The following CD72 variants were observed in gnomAD, a reference collection of about 807,000 sequenced individuals.
CD72 encodes the protein CD72 molecule, also known as B-cell differentiation antigen CD72.
Under a neutral mutation model 50.7 loss-of-function variants are expected in CD72, and 28 were observed. That is an observed-to-expected ratio of 0.55 (90% CI 0.41 to 0.76). The LOEUF is 0.76. Ranked by LOEUF, CD72 falls within the 30% of genes least tolerant of loss-of-function variation. The pLI is 0.00. For missense variants in CD72, 403 were observed against 420.6 expected (o/e 0.96, Z 0.37); for synonymous variants, 176 against 171.2 (o/e 1.03, Z -0.22).
chr9:35,639,042 A>G (rs1327935783), intron 1 of CD72, among the ~76,000 whole-genome samples: 1 of 148,480 alleles, frequency 6.7e-6, no homozygotes, highest in African/African-American at 2.5e-5. Flanking sequence ...TTTTTTTTAG[A>G]TGTATTTTAC....
At position 35,618,257 on chromosome 9, in the gene CD72, G is replaced by C. The variant is rs769510315; in HGVS notation, c.47C>G (p.Pro16Arg). The C allele has an allele frequency of 1.9e-6, 3 of 1,614,136 alleles. No individual in the cohort carries two copies. The East Asian group carries it at 6.7e-5, about 36-fold the overall frequency. Reference protein sequence around the residue: ...TYADLRFVKAPLKKSISSRLG... With the variant: ...TYADLRFVKARLKKSISSRLG... ...CCGGCTGGAGATGCTCTTCTTCAGG[G>C]GAGCCTTCACAAACCTCAGATCTGC... Residue 16 changes from proline to arginine, a missense_variant, in exon 1 of 9, where the codon CCC becomes CGC. Coordinates refer to ENST00000259633, the MANE Select transcript of CD72 (RefSeq NM_001782.3).
At chr9:35,638,389 C>T (rs557995494) in intron 1 of CD72, among the ~76,000 whole-genome samples, 1 of 152,122 alleles carries the variant, frequency 6.6e-6, no homozygotes, top group Non-Finnish European at 1.5e-5. Context: ...TCCGCTCCCC[C>T]ACCCTATAAC....
rs1461562200 is a variant in CD72 at position 35,630,397 on chromosome 9, T to TA, written n.409-12277dup. On this transcript the variant is annotated intron_variant and non_coding_transcript_variant, in intron 1 of 3. Coordinates refer to the CD72 transcript ENST00000465754. ...TTCCCTATCAAAATCTTTGTATTTT[T>TA]AAAAAATAGTTTTTTCTTTGCTTGT... 2.0e-5 allele frequency among the ~76,000 whole-genome samples: 3 copies of TA among 152,220 alleles called. 1 individual carries two copies. In the South Asian group the frequency reaches 6.2e-4, roughly 31 times the overall value.
At chr9:35,628,643 T>C (rs1050679396) in intron 1 of CD72, among the ~76,000 whole-genome samples, 4 of 152,164 alleles carry the variant, frequency 2.6e-5, no homozygotes, top group African/African-American at 9.7e-5. Context: ...GCCTGAAGCT[T>C]TTCTCTGGTA....
At chr9:35,639,620 G>C (rs1240675494) in intron 1 of CD72, among the ~76,000 whole-genome samples, 1 of 152,058 alleles carries the variant, frequency 6.6e-6, no homozygotes, top group Non-Finnish European at 1.5e-5. Flanking sequence ...AAGAGAAATG[G>C]AGAAAAAAGA....
At position 35,615,939 on chromosome 9, in the gene CD72, A is replaced by ATCCC. The variant is rs914078435; in HGVS notation, c.688+3_688+4insGGGA. 7.5e-6 allele frequency: 12 copies of ATCCC among 1,610,166 alleles called. No homozygotes were observed. Among genetic ancestry groups the ATCCC allele is most frequent in the African/African-American group, 2.7e-5 (2 of 74,518 alleles). Reference sequence around the variant, plus strand: ...CCCTTCTCTCCTCTCCCCAGAGCGGATACCTGCTGAGCCGCATGTGAAGAA... The same window carrying ATCCC: ...CCCTTCTCTCCTCTCCCCAGAGCGGATCCCTACCTGCTGAGCCGCATGTGAAGAA... On this transcript the variant is annotated splice_donor_region_variant and intron_variant, in intron 5 of 8. Coordinates refer to ENST00000259633, the MANE Select transcript of CD72 (RefSeq NM_001782.3).
At chr9:35,642,789 C>A (rs1823351739) in intron 1 of CD72, 1 of 152,182 alleles carries the variant, frequency 6.6e-6, no homozygotes, top group Non-Finnish European at 1.5e-5. Context: ...TCGGCAGAAG[C>A]CTGTTATGCC....
chr9:35,639,356 G>A (rs945453185), intron 1 of CD72, among the ~76,000 whole-genome samples: 15 of 152,170 alleles, frequency 9.9e-5, no homozygotes, highest in African/African-American at 3.1e-4. Context: ...TTATTTGTAC[G>A]TGGTAGTGTG....
At chr9:35,615,759 A>T in intron 5 of CD72, among the ~76,000 whole-genome samples, 184 bp downstream of exon 5, 1 of 145,786 alleles carries the variant, frequency 6.9e-6, no homozygotes, top group East Asian at 2.0e-4. Context: ...GGTCCCCCTA[A>T]ATCTAGTATG....
upstream of CD72, among the ~76,000 whole-genome samples, chr9:35,622,831 G>A (rs1465964296): frequency 6.6e-6 from 1 of 151,832 alleles, no homozygotes; most frequent in Admixed American, 6.6e-5. Context: ...GCAAAGTCAG[G>A]CACAATGGCT....
intron 1 of CD72, among the ~76,000 whole-genome samples, chr9:35,633,537 T>C (rs1324954754): frequency 6.6e-6 from 1 of 152,220 alleles, no homozygotes; most frequent in East Asian, 1.9e-4. Flanking sequence ...TATTGCATTG[T>C]AATTTATATA....
upstream of CD72, among the ~76,000 whole-genome samples, chr9:35,619,889 C>T (rs1406924546): frequency 1.3e-5 from 2 of 152,156 alleles, no homozygotes; most frequent in East Asian, 1.9e-4. Flanking sequence ...CTTTTTGAAG[C>T]TCACTGTTTC....
intron 7 of CD72, 55 bp from the exon 8 acceptor site, chr9:35,610,808 T>C (rs1822969316): frequency 4.2e-6 from 6 of 1,421,104 alleles, no homozygotes; most frequent in South Asian, 1.2e-5. Flanking sequence ...CCACCCTCCC[T>C]TCTCTCCCCT....
At position 35,614,523 on chromosome 9, in the gene CD72, A is replaced by T. The variant is rs139461584; in HGVS notation, c.688+1420T>A. On this transcript the variant is annotated intron_variant, in intron 5 of 8. Coordinates refer to ENST00000259633, the MANE Select transcript of CD72 (RefSeq NM_001782.3). The stretch of plus-strand genomic sequence containing the variant: ...CATCTGCTGAAAGTGAGGGAGAAGG[A>T]GTTACTATGGAGAGCAAGCTGACCA... Among the ~76,000 whole-genome samples, 642 of 152,300 alleles carry T rather than the reference A, an allele frequency of 4.2e-3. 4 individuals are homozygous for T. The highest frequency in any genetic ancestry group is 7.0e-3 in the Non-Finnish European group (476 of 68,028).
chr9:35,624,214 A>AAAT (rs58480562), upstream of CD72, among the ~76,000 whole-genome samples: 3,072 of 137,796 alleles, frequency 0.022, 34 homozygotes, highest in East Asian at 0.031. Flanking sequence ...TCTGTCTCAA[A>AAAT]AATAATAATA....
chr9:35,617,456 C>T (rs1237747129), intron 2 of CD72, among the ~76,000 whole-genome samples: 1 of 152,110 alleles, frequency 6.6e-6, no homozygotes, highest in African/African-American at 2.4e-5. Context: ...GTATCTTTTC[C>T]CGGGACCCCC....
At chr9:35,634,295 G>A (rs1397356074) in intron 1 of CD72, among the ~76,000 whole-genome samples, 1 of 152,062 alleles carries the variant, frequency 6.6e-6, no homozygotes. Context: ...GAAAACAACA[G>A]CTACTATTTC....
chr9:35,622,690 A>G (rs1563897477), upstream of CD72, among the ~76,000 whole-genome samples: 1 of 152,032 alleles, frequency 6.6e-6, no homozygotes, highest in Non-Finnish European at 1.5e-5. Context: ...AGGAGGCTGA[A>G]GCAAAAGAAT....
chr9:35,617,545 C>T (rs1026936275), intron 2 of CD72, among the ~76,000 whole-genome samples: 1 of 152,084 alleles, frequency 6.6e-6, no homozygotes, highest in African/African-American at 2.4e-5. Flanking sequence ...CCCCTTTGCT[C>T]TCATCCATCT....
Sources: allele counts gnomAD v4.1 joint callset (sites outside exome capture counted in the v4.1 genomes callset), GRCh38; gene constraint gnomAD v4.1.1; transcripts MANE v1.5; gene names NCBI Gene and HGNC (gene_info 2026-07-23, HGNC 2026-07-21).